The following CEP63 variants were observed in gnomAD, a reference collection of about 807,000 sequenced individuals.
CEP63 encodes centrosomal protein 63.
Under a neutral mutation model 89.1 loss-of-function variants are expected in CEP63, and 84 were observed. The ratio of observed to expected loss-of-function variants is 0.94; its 90% CI spans 0.79 to 1.13. CEP63 has a LOEUF of 1.13. CEP63 is among the 50% of genes most tolerant of loss of function. The pLI is 0.00. For synonymous variants in CEP63, 267 were observed against 272.5 expected (o/e 0.98, Z 0.20); for missense variants, 838 against 813.3 (o/e 1.03, Z -0.37).
At chr3:134,659,595 G>T in the CEP63 span, among the ~76,000 whole-genome samples, 1 of 152,170 alleles carries the variant, frequency 6.6e-6, no homozygotes, top group Non-Finnish European at 1.5e-5. Context: ...ATTTTTCCAG[G>T]AGCAGGCTGA....
the CEP63 span, among the ~76,000 whole-genome samples, chr3:134,703,730 C>T: frequency 1.3e-5 from 2 of 152,116 alleles, no homozygotes; most frequent in Non-Finnish European, 1.5e-5. Flanking sequence ...ACCACCATGG[C>T]ACATGTTTAC....
the CEP63 span, among the ~76,000 whole-genome samples, chr3:134,713,362 C>T: frequency 6.6e-6 from 1 of 152,012 alleles, no homozygotes; most frequent in Non-Finnish European, 1.5e-5. Context: ...GCCAATGACA[C>T]ATGGGGGAGG....
chr3:134,552,651 T>C (rs1007911142), intron 12 of CEP63: 4 of 152,048 alleles, frequency 2.6e-5, no homozygotes, highest in Non-Finnish European at 4.4e-5. Flanking sequence ...GGTGGTATTA[T>C]TATTATTATT....
At chr3:134,643,392 A>G in the CEP63 span, 1 of 1,612,766 alleles carries the variant, frequency 6.2e-7, no homozygotes. Flanking sequence ...TTTAAGGAAG[A>G]CAGAGAGGCC....
the CEP63 span, among the ~76,000 whole-genome samples, chr3:134,638,036 G>A: frequency 6.6e-6 from 1 of 152,138 alleles, no homozygotes; most frequent in African/African-American, 2.4e-5. Flanking sequence ...CTCCCCCAAA[G>A]CTGTGCTGCT....
At chr3:134,761,509 G>A in the CEP63 span, among the ~76,000 whole-genome samples, 5 of 152,258 alleles carry the variant, frequency 3.3e-5, no homozygotes, top group Non-Finnish European at 7.4e-5. Flanking sequence ...CCTGAAAGCC[G>A]AGGAAAGAAA....
chr3:134,608,484 G>A, the CEP63 span: 2 of 1,539,366 alleles, frequency 1.3e-6, no homozygotes, highest in Non-Finnish European at 1.7e-6. Flanking sequence ...GGCTGCCTCA[G>A]CAGCCTCCAC....
At chr3:134,742,553 G>T in the CEP63 span, among the ~76,000 whole-genome samples, 1 of 152,184 alleles carries the variant, frequency 6.6e-6, no homozygotes, top group Admixed American at 6.5e-5. Context: ...CTCATTTGTA[G>T]TTCTCATGAG....
At chr3:134,643,169 A>T in the CEP63 span, 2 of 646,804 alleles carry the variant, frequency 3.1e-6, no homozygotes, top group East Asian at 5.5e-5. Flanking sequence ...ACGCAGGGAG[A>T]GGAAAAGGGT....
Position 134,532,788 on chromosome 3 carries a change from TG to T in CEP63, c.330del (p.Lys111ArgfsTer12), listed in dbSNP as rs772529988. On this transcript the variant is annotated frameshift_variant, in exon 5 of 15. Coordinates refer to ENST00000675561, the MANE Select transcript of CEP63 (RefSeq NM_001353108.3). LOFTEE classifies it high-confidence loss of function. ...TAACTGTTTCTACAGTTATGCATAC[TG>T]AAGAGAAGCTATGAAAAGCTTCAGA... ...LKKLHEELCI[L>X]KRSYEKLQKK... 1 of 1,603,870 alleles carries T rather than the reference TG, an allele frequency of 6.2e-7. No individual in the cohort carries two copies. The highest frequency in any genetic ancestry group is 8.5e-7 in the Non-Finnish European group (1 of 1,171,338).
chr3:134,777,643 G>A, the CEP63 span, among the ~76,000 whole-genome samples: 10 of 93,994 alleles, frequency 1.1e-4, no homozygotes, highest in African/African-American at 4.5e-4. Context: ...TTTTTAGATG[G>A]AGTTTTGCTC....
At chr3:134,656,093 G>A in the CEP63 span, among the ~76,000 whole-genome samples, 8 of 152,144 alleles carry the variant, frequency 5.3e-5, no homozygotes, top group Non-Finnish European at 2.9e-5. Context: ...CACAGATGAC[G>A]GCTTGTTCTT....
chr3:134,686,027 G>C, the CEP63 span, among the ~76,000 whole-genome samples: 4 of 152,000 alleles, frequency 2.6e-5, no homozygotes, highest in African/African-American at 9.7e-5. Flanking sequence ...GCAGGGCTGG[G>C]GTCCAAGCCC....
the CEP63 span, among the ~76,000 whole-genome samples, chr3:134,646,905 T>C: frequency 6.6e-6 from 1 of 152,186 alleles, no homozygotes; most frequent in Admixed American, 6.5e-5. Context: ...CCCCTTAGTG[T>C]TACCACAGAG....
the CEP63 span, among the ~76,000 whole-genome samples, chr3:134,756,112 C>G: frequency 6.6e-6 from 1 of 152,210 alleles, no homozygotes; most frequent in Non-Finnish European, 1.5e-5. Flanking sequence ...AGGGCACTCT[C>G]CATGTGGCAC....
At chr3:134,613,271 A>G in the CEP63 span, 2 of 153,874 alleles carry the variant, frequency 1.3e-5, no homozygotes, top group Admixed American at 6.5e-5. Context: ...CAGAATGGGT[A>G]TGGAATGTCC....
the CEP63 span, among the ~76,000 whole-genome samples, chr3:134,713,120 G>A: frequency 1.7e-4 from 26 of 152,262 alleles, no homozygotes; most frequent in African/African-American, 6.0e-4. Flanking sequence ...CCTCTTTTGG[G>A]CAGCATACTA....
At chr3:134,756,577 C>T in the CEP63 span, among the ~76,000 whole-genome samples, 1 of 152,192 alleles carries the variant, frequency 6.6e-6, no homozygotes, top group African/African-American at 2.4e-5. Context: ...TGGTCTCAAA[C>T]TCCTGGGCTC....
chr3:134,760,264 T>G, the CEP63 span, among the ~76,000 whole-genome samples: 1 of 152,034 alleles, frequency 6.6e-6, no homozygotes, highest in African/African-American at 2.4e-5. Context: ...TTTCACTGTG[T>G]TAGCCAGGAT....
Sources: allele counts gnomAD v4.1 joint callset (sites outside exome capture counted in the v4.1 genomes callset), GRCh38; gene constraint gnomAD v4.1.1; transcripts MANE v1.5; gene names NCBI Gene and HGNC (gene_info 2026-07-23, HGNC 2026-07-21).